The following NRXN3 variants were observed in gnomAD, a reference collection of about 807,000 sequenced individuals.
NRXN3 encodes neurexin III.
A neutral mutation model predicts 137.6 loss-of-function variants in NRXN3; 32 were observed. The observed-to-expected ratio is 0.23, with a 90% CI of 0.18 to 0.31. NRXN3 has a LOEUF of 0.31. Among genes scored for constraint, NRXN3 ranks in the 10% least tolerant of loss-of-function variants. NRXN3 has a pLI of 1.00. For missense variants in NRXN3, 1,574 were observed against 2,062.5 expected (o/e 0.76, Z 4.59); for synonymous variants, 798 against 784.5 (o/e 1.02, Z -0.29).
At chr14:78,768,713 G>A (rs1355626188) in intron 8 of NRXN3, among the ~76,000 whole-genome samples, 1 of 152,178 alleles carries the variant, frequency 6.6e-6, no homozygotes, top group African/African-American at 2.4e-5. Context: ...ATAGTACACA[G>A]TAAGCATATA....
rs146963110 is a variant in NRXN3, at chr14:78,621,059, A to G, written c.758-24061A>G. ...GTGGTATGAGCTGTTGGGGTAAGAA[A>G]GAATATGGGCTGGGGTGAAGATTGA... On this transcript the variant is annotated intron_variant, in intron 4 of 20. Coordinates refer to ENST00000335750, the MANE Select transcript of NRXN3 (RefSeq NM_001330195.2). Among the ~76,000 whole-genome samples, 211 of 152,344 alleles carry G rather than the reference A, an allele frequency of 1.4e-3. 5 individuals are homozygous for G. The East Asian group carries it at 0.031, about 22-fold the overall frequency.
chr14:78,604,858 G>A (rs958469186), intron 4 of NRXN3, among the ~76,000 whole-genome samples: 1 of 152,172 alleles, frequency 6.6e-6, no homozygotes, highest in African/African-American at 2.4e-5. Flanking sequence ...AAAGATCCAT[G>A]TTCAAAGTAT....
intron 20 of NRXN3, among the ~76,000 whole-genome samples, chr14:79,824,162 A>G (rs1268096080): frequency 6.6e-6 from 1 of 152,182 alleles, no homozygotes; most frequent in Non-Finnish European, 1.5e-5. Flanking sequence ...AGTTGCAGAC[A>G]AGTAATTTAA....
intron 6 of NRXN3, among the ~76,000 whole-genome samples, chr14:78,691,913 C>T (rs780450234): frequency 5.3e-5 from 8 of 151,938 alleles, no homozygotes; most frequent in Non-Finnish European, 1.0e-4. Context: ...AAAGAAAACG[C>T]AGATAAAAGC....
intron 15 of NRXN3, among the ~76,000 whole-genome samples, chr14:79,167,247 A>G (rs371382019): frequency 6.6e-6 from 1 of 152,010 alleles, no homozygotes; most frequent in African/African-American, 2.4e-5. Flanking sequence ...ATTATCCCTG[A>G]AATAAAACCA....
chr14:78,997,421 G>A lies in NRXN3; in HGVS notation c.3262+9280G>A, dbSNP rs547775449. ...TAAGGTGACGGCAATAATCCACTTA[G>A]AGCCTATTGCTTCACGGAAGACAAT... On this transcript the variant is annotated intron_variant, in intron 15 of 20. Transcript: ENST00000335750. Among the ~76,000 whole-genome samples the A allele has an allele frequency of 1.3e-4, 20 of 152,208 alleles. No homozygotes were observed. In the East Asian group the frequency reaches 3.7e-3, roughly 28 times the overall value.
At chr14:78,790,448 TTTG>T (rs2098801922) in intron 8 of NRXN3, among the ~76,000 whole-genome samples, 1 of 152,124 alleles carries the variant, frequency 6.6e-6, no homozygotes, top group Non-Finnish European at 1.5e-5. Context: ...CCACATCCAT[TTTG>T]TTGATTCCCT....
At chr14:78,578,793 G>A (rs566169629) in intron 4 of NRXN3, among the ~76,000 whole-genome samples, 2 of 152,224 alleles carry the variant, frequency 1.3e-5, no homozygotes, top group South Asian at 2.1e-4. Context: ...AGAAATGAAC[G>A]TGAACTAGTG....
At chr14:78,661,252 A>G (rs2097839232) in intron 6 of NRXN3, among the ~76,000 whole-genome samples, 1 of 152,366 alleles carries the variant, frequency 6.6e-6, no homozygotes, top group East Asian at 1.9e-4. Flanking sequence ...AGAAAAAGCT[A>G]TATCATATCA....
At chr14:79,705,957 G>A (rs914382453) in intron 19 of NRXN3, among the ~76,000 whole-genome samples, 10 of 152,214 alleles carry the variant, frequency 6.6e-5, no homozygotes, top group Non-Finnish European at 8.8e-5. Flanking sequence ...AGAGTAATAC[G>A]CAGTCAATGT....
chr14:78,803,806 A>G lies in NRXN3; in HGVS notation c.2231A>G (p.Lys744Arg), dbSNP rs1194950750. The change falls in exon 9 of 21, where the codon AAG becomes AGG. Residue 744 changes from lysine to arginine, a missense_variant. Physicochemically the swap from Lys to Arg is conservative, Grantham distance 26 (BLOSUM62 2). This residue lies in a region of NRXN3 where 718 missense variants were observed against 887.6 expected (regional missense o/e 0.81). Coordinates refer to ENST00000335750, the MANE Select transcript of NRXN3 (RefSeq NM_001330195.2). The part of the protein sequence containing the change: ...LRLELDGGRV[K>R]LMVNLDCIRI... ...CTGGAGCTGGATGGGGGGCGTGTCA[A>G]GCTCATGGTTAACTTAGGTATCGTA... The G allele has an allele frequency of 6.2e-7, 1 of 1,613,732 alleles. No individual in the cohort carries two copies. The highest frequency in any genetic ancestry group is 8.5e-7 in the Non-Finnish European group (1 of 1,180,004).
At chr14:79,713,295 AGTT>A (rs2098811718) in intron 19 of NRXN3, among the ~76,000 whole-genome samples, 1 of 147,782 alleles carries the variant, frequency 6.8e-6, no homozygotes, top group Non-Finnish European at 1.5e-5. Flanking sequence ...GCTTTTGTAA[AGTT>A]GTGGTTATTT....
intron 10 of NRXN3, among the ~76,000 whole-genome samples, chr14:78,925,980 A>G (rs1294301360): frequency 1.3e-5 from 2 of 152,352 alleles, no homozygotes; most frequent in South Asian, 4.1e-4. Context: ...GGACTATTCA[A>G]TAAACATAAA....
intron 19 of NRXN3, among the ~76,000 whole-genome samples, chr14:79,768,563 C>T (rs1022344769): frequency 2.6e-5 from 4 of 152,196 alleles, no homozygotes; most frequent in African/African-American, 9.7e-5. Flanking sequence ...GCTGAGGGTC[C>T]TGTCTGTTAG....
chr14:78,763,424 C>T (rs1347083946), intron 8 of NRXN3, among the ~76,000 whole-genome samples: 2 of 152,006 alleles, frequency 1.3e-5, no homozygotes, highest in African/African-American at 4.8e-5. Context: ...AATAGGCATA[C>T]AGTGTGTGGT....
At chr14:79,324,715 C>G (rs1316844643) in intron 15 of NRXN3, among the ~76,000 whole-genome samples, 1 of 152,092 alleles carries the variant, frequency 6.6e-6, no homozygotes, top group East Asian at 1.9e-4. Flanking sequence ...GTCATCTTCC[C>G]TAATAAAAGA....
intron 15 of NRXN3, among the ~76,000 whole-genome samples, chr14:79,190,219 T>A (rs921219544): frequency 1.3e-5 from 2 of 152,158 alleles, no homozygotes; most frequent in African/African-American, 4.8e-5. Flanking sequence ...TACGGAAATT[T>A]TTTTTTTAAT....
At chr14:79,420,859 C>T (rs2095566148) in intron 15 of NRXN3, among the ~76,000 whole-genome samples, 1 of 152,056 alleles carries the variant, frequency 6.6e-6, no homozygotes, top group African/African-American at 2.4e-5. Context: ...GGTAGTAGAA[C>T]TAATAGCAGC....
At chr14:78,323,004 T>C (rs2079575251) in intron 4 of NRXN3, among the ~76,000 whole-genome samples, 2 of 144,856 alleles carry the variant, frequency 1.4e-5, no homozygotes, top group South Asian at 4.2e-4. Flanking sequence ...TATTTCTTAC[T>C]CCTTATGGCC....
Sources: allele counts gnomAD v4.1 joint callset (sites outside exome capture counted in the v4.1 genomes callset), GRCh38; gene constraint gnomAD v4.1.1; regional missense constraint gnomAD v4.1.1; transcripts MANE v1.5; gene names NCBI Gene and HGNC (gene_info 2026-07-23, HGNC 2026-07-21).